DCC: variants seen among roughly 807,000 people sequenced by gnomAD.
DCC encodes the protein netrin receptor DCC.
A neutral mutation model predicts 172.5 loss-of-function variants in DCC; 58 were observed. The observed-to-expected ratio is 0.34, with a 90% CI of 0.27 to 0.42. DCC has a LOEUF of 0.42. DCC is among the 10% of genes least tolerant of loss of function. The pLI is 1.00. For missense variants in DCC, 1,740 were observed against 1,791.0 expected (o/e 0.97, Z 0.51); for synonymous variants, 709 against 644.5 (o/e 1.10, Z -1.52).
At chr18:52,962,533 G>A (rs1441844211) in intron 5 of DCC, among the ~76,000 whole-genome samples, 1 of 151,958 alleles carries the variant, frequency 6.6e-6, no homozygotes, top group African/African-American at 2.4e-5. Flanking sequence ...CAACCAATGT[G>A]GAATTCAGTG....
chr18:53,005,834 A>G (rs1410428334), intron 5 of DCC, among the ~76,000 whole-genome samples: 12 of 152,190 alleles, frequency 7.9e-5, no homozygotes, highest in Admixed American at 7.9e-4. Flanking sequence ...ATAAATATGC[A>G]TGTAATATAC....
chr18:52,901,043 C>G (rs4597419), intron 2 of DCC, among the ~76,000 whole-genome samples: 148,089 of 152,306 alleles, frequency 0.97, 72,151 homozygotes, highest in Middle Eastern at 1. Flanking sequence ...GAAGAGTATT[C>G]ACATATAAAC....
intron 7 of DCC, among the ~76,000 whole-genome samples, chr18:53,111,705 A>T (rs538897600): frequency 6.6e-6 from 1 of 151,822 alleles, no homozygotes; most frequent in South Asian, 2.1e-4. Context: ...TGGGATACAT[A>T]TATGTCCATC....
chr18:52,412,864 C>T (rs1007381042), intron 1 of DCC, among the ~76,000 whole-genome samples: 1 of 152,032 alleles, frequency 6.6e-6, no homozygotes, highest in African/African-American at 2.4e-5. Context: ...ATAATAACTT[C>T]TTGTCTCTTG....
At position 52,873,113 on chromosome 18, in the gene DCC, C is replaced by T. The variant is rs1325208223; in HGVS notation, c.413-32931C>T. On this transcript the variant is annotated intron_variant, in intron 2 of 28. Transcript: ENST00000442544. ...TTTTTAAAAATACCTTACAAAATAT[C>T]CTACAAAATATCTTTACCTTCCCAC... 3.9e-5 allele frequency among the ~76,000 whole-genome samples: 6 copies of T among 152,230 alleles called. 1 individual carries two copies. Among genetic ancestry groups the T allele is most frequent in the Admixed American group, 3.9e-4 (6 of 15,282 alleles).
rs545619749 is a variant in DCC at position 52,585,950 on chromosome 18, G to C, written c.92-166104G>C. 4.7e-4 allele frequency among the ~76,000 whole-genome samples: 72 copies of C among 151,920 alleles called. No individual in the cohort carries two copies. The South Asian group carries it at 0.015, about 31-fold the overall frequency. ...TACAAAAAATTAGCTGGGAGTCTTGGCGGGCCCCTGTAGTCCCAGCTACTC... is the reference window on the plus strand; with the variant it reads ...TACAAAAAATTAGCTGGGAGTCTTGCCGGGCCCCTGTAGTCCCAGCTACTC... On this transcript the variant is annotated intron_variant, in intron 1 of 28. Coordinates refer to ENST00000442544, the MANE Select transcript of DCC (RefSeq NM_005215.4).
rs118104233 is a variant in DCC, at chr18:52,946,844, G to A, written c.985+21474G>A. Among the ~76,000 whole-genome samples, 908 of 152,242 alleles carry A rather than the reference G, an allele frequency of 6.0e-3. 5 individuals carry two copies. Among genetic ancestry groups the A allele is most frequent in the Middle Eastern group, 0.044 (13 of 294 alleles). Reference sequence around the variant, plus strand: ...CCAAAATTAGGGTAAGGCAGGTGAGGTGCAAAATTTAAGAGGTGCCAAAAA... The same window carrying A: ...CCAAAATTAGGGTAAGGCAGGTGAGATGCAAAATTTAAGAGGTGCCAAAAA... On this transcript the variant is annotated intron_variant, in intron 5 of 28. Transcript: ENST00000442544.
At chr18:53,060,928 G>A (rs1052167202) in intron 5 of DCC, among the ~76,000 whole-genome samples, 1 of 151,810 alleles carries the variant, frequency 6.6e-6, no homozygotes, top group Non-Finnish European at 1.5e-5. Context: ...GGAGAATAAG[G>A]AAATAACAAA....
chr18:52,989,105 GGATA>G (rs141356721), intron 5 of DCC, among the ~76,000 whole-genome samples: 3,015 of 151,564 alleles, frequency 0.02, 38 homozygotes, highest in Non-Finnish European at 0.029. Flanking sequence ...GTGAGTGGAG[GGATA>G]GAGAGAATAG....
chr18:53,468,003 C>G lies in DCC; in HGVS notation c.3729C>G (p.Asn1243Lys), dbSNP rs778390025. ...KLMIPMDAQS[N>K]NPAVVSAIPV... ...TGATTCCCATGGATGCCCAGTCCAA[C>G]AATCCTGGTGAGTCAATATTGGTGC... Residue 1243 changes from asparagine to lysine, a missense_variant, in exon 25 of 29, where the codon AAC (asparagine) becomes AAG (lysine). Coordinates refer to ENST00000442544, the MANE Select transcript of DCC (RefSeq NM_005215.4). 1 of 1,545,002 alleles carries G rather than the reference C, an allele frequency of 6.5e-7. No individual in the cohort carries two copies. Among genetic ancestry groups the G allele is most frequent in the Non-Finnish European group, 9.0e-7 (1 of 1,117,112 alleles).
At position 53,157,366 on chromosome 18, in the gene DCC, C is replaced by T. The variant is rs1270980946; in HGVS notation, c.1272C>T (p.Ser424=). ...QLIVPKPAIP[S]SSVLPSAPRD... ...CTTCTTTCTCCTTAGCTATCCCAAG[C>T]TCCAGTGTCCTCCCTTCGGCTCCCA... The change falls in exon 8 of 29, where the codon AGC becomes AGT. Residue 424 remains serine (S), a synonymous_variant. Transcript: ENST00000442544. 13 of 1,613,986 alleles carry T rather than the reference C, an allele frequency of 8.1e-6. 1 individual carries two copies. In the Admixed American group the frequency reaches 1.8e-4, roughly 23 times the overall value.
chr18:53,428,390 TA>T (rs1277967197), intron 21 of DCC, among the ~76,000 whole-genome samples: 9 of 51,314 alleles, frequency 1.8e-4, no homozygotes, highest in Admixed American at 6.2e-4. Context: ...ATATTGTATA[TA>T]ATATAATATA....
chr18:52,904,850 T>C (rs955090270), intron 2 of DCC, among the ~76,000 whole-genome samples: 23 of 152,302 alleles, frequency 1.5e-4, no homozygotes, highest in African/African-American at 5.5e-4. Context: ...CTGGGATGAA[T>C]AGCAAACATA....
intron 9 of DCC, among the ~76,000 whole-genome samples, chr18:53,179,539 G>C (rs1419447954): frequency 6.6e-6 from 1 of 152,118 alleles, no homozygotes; most frequent in Non-Finnish European, 1.5e-5. Flanking sequence ...TTAAAAGCTT[G>C]AACACGCACC....
At chr18:52,977,778 G>T (rs150206084) in intron 5 of DCC, among the ~76,000 whole-genome samples, 1 of 151,646 alleles carries the variant, frequency 6.6e-6, no homozygotes, top group East Asian at 1.9e-4. Context: ...CCAGCTACTC[G>T]TGAGGCTGAC....
At chr18:52,571,616 G>C (rs1001811849) in intron 1 of DCC, among the ~76,000 whole-genome samples, 1 of 152,120 alleles carries the variant, frequency 6.6e-6, no homozygotes, top group Non-Finnish European at 1.5e-5. Context: ...TGAGCCTCTT[G>C]TTCCCATCAG....
In DCC at chr18:52,497,260, CAAAA is replaced by C. The variant is rs111476286; in HGVS notation, c.91+156400_91+156403del. On this transcript the variant is annotated intron_variant, in intron 1 of 28. Transcript: ENST00000442544. ...TGGGTAACAGAGTGAGACCCTGTAT[CAAAA>C]AAAAAAAAAAAAAAAAATATATATA... Among the ~76,000 whole-genome samples, 153 of 53,928 alleles carry C rather than the reference CAAAA, an allele frequency of 2.8e-3. 7 individuals are homozygous for C. Among genetic ancestry groups the C allele is most frequent in the Admixed American group, 0.013 (48 of 3,678 alleles). The allele number at this position is 53,928 out of a possible 152,430, so 35.4% of individuals were successfully genotyped here.
intron 5 of DCC, among the ~76,000 whole-genome samples, chr18:52,960,078 A>G (rs1034881789): frequency 6.6e-6 from 1 of 152,144 alleles, no homozygotes; most frequent in Admixed American, 6.5e-5. Flanking sequence ...TTGGAGATAC[A>G]CGCACCCACG....
At chr18:52,391,806 C>T (rs1050145067) in intron 1 of DCC, among the ~76,000 whole-genome samples, 4 of 152,104 alleles carry the variant, frequency 2.6e-5, no homozygotes, top group African/African-American at 9.7e-5. Flanking sequence ...GGTAGGGTGA[C>T]TGGAAATATA....
Sources: gnomAD v4.1 joint callset for allele counts (sites outside exome capture counted in the v4.1 genomes callset) on GRCh38, gnomAD v4.1.1 for gene constraint, MANE v1.5 for transcripts, NCBI Gene and HGNC (gene_info 2026-07-23, HGNC 2026-07-21) for gene names.